SSBP4: variants seen among roughly 807,000 people sequenced by gnomAD.
The protein encoded by SSBP4 is single stranded DNA binding protein 4, also known as single-stranded DNA-binding protein 4.
In SSBP4, 33 loss-of-function variants were observed where a neutral mutation model predicts 64.6. The ratio of observed to expected loss-of-function variants is 0.51; its 90% CI spans 0.39 to 0.68. The LOEUF (loss-of-function observed/expected upper bound fraction) is 0.68. Among genes scored for constraint, SSBP4 ranks in the 30% least tolerant of loss-of-function variants. The probability of loss-of-function intolerance (pLI) is 0.00; values close to 1 mark genes in which losing one functional copy is unlikely to be tolerated. For missense variants in SSBP4, 583 were observed against 566.8 expected (o/e 1.03, Z -0.29); for synonymous variants, 243 against 224.0 (o/e 1.08, Z -0.76).
rs767363846 is a variant in SSBP4, at chr19:18,433,124, C to A, written c.913-11C>A. The A allele has an allele frequency of 6.2e-7, 1 of 1,610,976 alleles. No homozygotes were observed. On this transcript the variant is annotated splice_polypyrimidine_tract_variant and intron_variant, in intron 14 of 17. Transcript: ENST00000270061. ...GGTGGCCCGAGTCCCACGCTGTCCC[C>A]ATGCCCGCAGTTCCCGCTCGGCCCT...
chr19:18,421,326 T>G (rs1176402507), intron 1 of SSBP4, among the ~76,000 whole-genome samples: 1 of 152,266 alleles, frequency 6.6e-6, no homozygotes, highest in African/African-American at 2.4e-5. Flanking sequence ...TTTTTGAAAC[T>G]GGCCTCTGGC....
intron 4 of SSBP4, 130 bp downstream of exon 4, chr19:18,428,112 G>A (rs1972997453): frequency 2.0e-6 from 2 of 1,023,484 alleles, no homozygotes; most frequent in Non-Finnish European, 2.8e-6. Flanking sequence ...GGGTTGACAG[G>A]CAGAGCTGCA....
Position 18,432,142 on chromosome 19 carries a change from C to T in SSBP4, c.637-5C>T, listed in dbSNP as rs747586964. On this transcript the variant is annotated splice_region_variant and splice_polypyrimidine_tract_variant and intron_variant, in intron 9 of 17. Coordinates refer to ENST00000270061, the MANE Select transcript of SSBP4 (RefSeq NM_032627.5). ...CTACCCCTCACAGCCCCTTTGCCTC[C>T]GCAGAGCTATGGAGGTGGCATGCGA... 4.0e-5 allele frequency: 65 copies of T among 1,612,996 alleles called. No individual in the cohort carries two copies. Among genetic ancestry groups the T allele is most frequent in the South Asian group, 2.1e-4 (19 of 91,076 alleles).
At position 18,432,027 on chromosome 19, in the gene SSBP4, AG is replaced by A; in HGVS notation, c.594del (p.Arg199GlyfsTer2). On this transcript the variant is annotated frameshift_variant, in exon 9 of 18. Coordinates refer to ENST00000270061, the MANE Select transcript of SSBP4 (RefSeq NM_032627.5). LOFTEE classifies it high-confidence loss of function. ...CATCCGAGCATGGGCGGCCCAATGC[AG>A]AGGGTGACGCCTCCTCGTGGCATGG... is the stretch of plus-strand genomic sequence containing the variant. ...QGHPSMGGPM[Q>X]RVTPPRGMAS... The A allele has an allele frequency of 1.3e-6, 2 of 1,578,204 alleles. No individual in the cohort carries two copies.
At chr19:18,405,918 G>A in the SSBP4 span, among the ~76,000 whole-genome samples, 1 of 151,924 alleles carries the variant, frequency 6.6e-6, no homozygotes, top group African/African-American at 2.4e-5. Flanking sequence ...GTGCACCTGG[G>A]AGGCGGAGCT....
At chr19:18,424,564 G>A (rs1021325443) in intron 1 of SSBP4, among the ~76,000 whole-genome samples, 3 of 151,798 alleles carry the variant, frequency 2.0e-5, no homozygotes, top group South Asian at 4.2e-4. Context: ...TGTGTGGGTC[G>A]GGGCGGGGGG....
At chr19:18,410,956 G>T in the SSBP4 span, among the ~76,000 whole-genome samples, 8 of 152,136 alleles carry the variant, frequency 5.3e-5, no homozygotes, top group East Asian at 1.3e-3. Flanking sequence ...TGTTATAAGC[G>T]CTAGGGACAC....
Position 18,427,880 on chromosome 19 carries a change from T to G in SSBP4, c.195-18T>G. 6.2e-7 allele frequency: 1 copy of G among 1,614,032 alleles called. No homozygotes were observed. The highest frequency in any genetic ancestry group is 1.1e-5 in the South Asian group (1 of 91,084). ...GAGGGAGGCACGTGGAGCAACCATC[T>G]TCCCCTTTGGCCCACAGCGTCTTCT... On this transcript the variant is annotated intron_variant, in intron 3 of 17. Transcript: ENST00000270061. This position sits in a 1 kb window ranked among gnomAD's most constrained non-coding sequence, Gnocchi z 4.4.
chr19:18,427,636 C>A lies in SSBP4; in HGVS notation c.133-116C>A, dbSNP rs1406720895. ...CACACATCCTGGGGCCCTCTGCCCA[C>A]CCTGTTACCCTTCCCTCCCCACTCC... On this transcript the variant is annotated intron_variant, in intron 2 of 17. Transcript: ENST00000270061. The surrounding 1 kb of genome is among the most constrained non-coding windows in gnomAD (Gnocchi z 4.4). 1 of 1,316,106 alleles carries A rather than the reference C, an allele frequency of 7.6e-7. No homozygotes were observed. The highest frequency in any genetic ancestry group is 1.5e-5 in the African/African-American group (1 of 67,594). The allele number at this position is 1,316,106 out of a possible 1,614,324, so 81.5% of individuals were successfully genotyped here.
the SSBP4 span, among the ~76,000 whole-genome samples, chr19:18,411,997 A>C: frequency 3.4e-4 from 51 of 150,584 alleles, no homozygotes; most frequent in African/African-American, 6.5e-4. Flanking sequence ...GACCCCCCAC[A>C]CACACACACA....
At chr19:18,409,305 G>A in the SSBP4 span, among the ~76,000 whole-genome samples, 13 of 150,936 alleles carry the variant, frequency 8.6e-5, no homozygotes, top group Non-Finnish European at 1.8e-4. Context: ...TCTCGCCTCA[G>A]CCTTCTGAGT....
the SSBP4 span, among the ~76,000 whole-genome samples, chr19:18,412,422 C>T: frequency 1.4e-5 from 2 of 139,864 alleles, no homozygotes; most frequent in African/African-American, 2.8e-5. Flanking sequence ...GATCGCACCA[C>T]GGCACTCCAG....
intron 1 of SSBP4, among the ~76,000 whole-genome samples, chr19:18,424,458 C>T (rs1176189466): frequency 2.0e-5 from 3 of 151,776 alleles, no homozygotes; most frequent in Admixed American, 6.6e-5. Context: ...TTCCATGTGA[C>T]AGTGAAGCCC....
rs375407565 is a variant in SSBP4 at position 18,433,079 on chromosome 19, G to C, written c.912+36G>C. On this transcript the variant is annotated intron_variant, in intron 14 of 17. Coordinates refer to ENST00000270061, the MANE Select transcript of SSBP4 (RefSeq NM_032627.5). ...GCTTGCAGGGGTGCTTCTCGAGGCG[G>C]TGACCCCACTTGGGGAATGGGTGGC... is the stretch of plus-strand genomic sequence containing the variant. 20 of 1,613,700 alleles carry C rather than the reference G, an allele frequency of 1.2e-5. No individual in the cohort carries two copies. The African/African-American group carries it at 1.9e-4, about 15-fold the overall frequency.
chr19:18,430,838 C>CA lies in SSBP4; in HGVS notation c.280-2dup. The CA allele has an allele frequency of 2.5e-6, 4 of 1,611,858 alleles. No individual in the cohort carries two copies. The highest frequency in any genetic ancestry group is 3.4e-6 in the Non-Finnish European group (4 of 1,179,020). On this transcript the variant is annotated splice_polypyrimidine_tract_variant and splice_region_variant and intron_variant, in intron 4 of 17. Transcript: ENST00000270061. ...GCCCTCTGGGTTTCCCGCACCCTTA[C>CA]AGAGTGCTGCAGCCGCCCCCAGCCC... is the stretch of plus-strand genomic sequence containing the variant.
the SSBP4 span, among the ~76,000 whole-genome samples, chr19:18,404,554 A>G: frequency 6.8e-6 from 1 of 146,290 alleles, no homozygotes; most frequent in African/African-American, 2.6e-5. Flanking sequence ...AGATTGTGCC[A>G]CTGCACTCCA....
Position 18,427,784 on chromosome 19 carries a change from G to T in SSBP4, c.165G>T (p.Glu55Asp), listed in dbSNP as rs549009589. The stretch of plus-strand genomic sequence containing the variant: ...GGGAGAAGAACATCACGCTGGGGGA[G>T]CCCCCTGGGTTCCTGCACTCCTGGT... ...IRWEKNITLG[E>D]PPGFLHSWWC... The change falls in exon 3 of 18, where the codon GAG (glutamate) becomes GAT (aspartate). Residue 55 changes from glutamate (E) to aspartate (D), a missense_variant. By Grantham distance (45) the Glu-to-Asp change is conservative (BLOSUM62 2). This residue lies in a region of SSBP4 where 43 missense variants were observed against 74.2 expected (regional missense o/e 0.58). Transcript: ENST00000270061. The surrounding 1 kb of genome is among the most constrained non-coding windows in gnomAD (Gnocchi z 4.4). 1.9e-6 allele frequency: 3 copies of T among 1,604,912 alleles called. No individual in the cohort carries two copies. Among genetic ancestry groups the T allele is most frequent in the Non-Finnish European group, 2.6e-6 (3 of 1,172,868 alleles).
At chr19:18,414,268 T>C (rs1972114527), upstream of SSBP4, among the ~76,000 whole-genome samples, 3 of 152,180 alleles carry the variant, frequency 2.0e-5, no homozygotes, top group Admixed American at 2.0e-4. Context: ...GTATTGCCTC[T>C]GGGTCGCTCA....
chr19:18,433,907 G>C, intron 17 of SSBP4, 90 bp downstream of exon 17: 3 of 1,265,788 alleles, frequency 2.4e-6, no homozygotes, highest in Non-Finnish European at 3.0e-6. Flanking sequence ...GGGGGCCAGA[G>C]CAAGACCGTG....
Sources: allele counts gnomAD v4.1 joint callset (sites outside exome capture counted in the v4.1 genomes callset), GRCh38; gene constraint gnomAD v4.1.1; regional missense constraint gnomAD v4.1.1; non-coding constraint Gnocchi (gnomAD v3.1); transcripts MANE v1.5; gene names NCBI Gene and HGNC (gene_info 2026-07-23, HGNC 2026-07-21).